The following CNTNAP2 variants were observed in gnomAD, a reference collection of about 807,000 sequenced individuals.
The protein encoded by CNTNAP2 is contactin-associated protein-like 2.
In CNTNAP2, 98 loss-of-function variants were observed where a neutral mutation model predicts 155.2. The observed-to-expected ratio is 0.63, with a 90% CI of 0.54 to 0.75. The LOEUF is 0.75. Ranked by LOEUF, CNTNAP2 falls within the 30% of genes least tolerant of loss-of-function variation. CNTNAP2 has a pLI of 0.00. For missense variants in CNTNAP2, 1,727 were observed against 1,688.1 expected, an observed-to-expected ratio of 1.02 and a Z score of -0.40; for synonymous variants, 651 against 631.2, an observed-to-expected ratio of 1.03 and a Z score of -0.47.
intron 9 of CNTNAP2, among the ~76,000 whole-genome samples, chr7:147,340,502 A>C (rs577524295): frequency 6.6e-6 from 1 of 152,214 alleles, no homozygotes; most frequent in East Asian, 1.9e-4. Flanking sequence ...TAGATGCTAC[A>C]TTTGCACATA....
chr7:146,137,824 A>G (rs1297417581), intron 1 of CNTNAP2, among the ~76,000 whole-genome samples: 1 of 151,924 alleles, frequency 6.6e-6, no homozygotes, highest in Non-Finnish European at 1.5e-5. Flanking sequence ...ATTTAAAATT[A>G]TTCTTTTAAT....
At chr7:148,183,257 G>T (rs1445776779) in intron 18 of CNTNAP2, among the ~76,000 whole-genome samples, 2 of 152,184 alleles carry the variant, frequency 1.3e-5, no homozygotes, top group African/African-American at 4.8e-5. Flanking sequence ...TCTACTGGGA[G>T]GGCTGCCTGA....
At position 147,740,814 on chromosome 7, in the gene CNTNAP2, T is replaced by C. The variant is rs1317326581; in HGVS notation, c.2098+101508T>C. 2.0e-5 allele frequency among the ~76,000 whole-genome samples: 3 copies of C among 152,108 alleles called. No individual in the cohort carries two copies. The East Asian group carries it at 5.8e-4, about 29-fold the overall frequency. On this transcript the variant is annotated intron_variant, in intron 13 of 23. Transcript: ENST00000361727. ...TGCAAGGAATTTATGAAAGGGAGTG[T>C]GCTAAGGAAACAATGGAAGCAGGAC...
chr7:148,065,047 C>T (rs575516927), intron 15 of CNTNAP2, among the ~76,000 whole-genome samples: 1 of 152,118 alleles, frequency 6.6e-6, no homozygotes, highest in Non-Finnish European at 1.5e-5. Context: ...TCATTGTTGA[C>T]CAAATGGTCA....
chr7:148,171,243 A>G lies in CNTNAP2; in HGVS notation c.2774-999A>G, dbSNP rs571749912. On this transcript the variant is annotated intron_variant, in intron 17 of 23. Transcript: ENST00000361727. ...TAGAGTGCCTAGTATGTAGCCCTCA[A>G]TGAAGGAGAAACTTGGGTTTTATTT... Among the ~76,000 whole-genome samples, 36 of 152,308 alleles carry G rather than the reference A, an allele frequency of 2.4e-4. No homozygotes were observed. The East Asian group carries it at 6.6e-3, about 28-fold the overall frequency.
intron 10 of CNTNAP2, among the ~76,000 whole-genome samples, chr7:147,450,010 T>C (rs1797804209): frequency 6.6e-6 from 1 of 152,178 alleles, no homozygotes; most frequent in African/African-American, 2.4e-5. Flanking sequence ...CAAAAATTTG[T>C]AAATCCCCCA....
chr7:147,242,670 C>G (rs1465747524), intron 8 of CNTNAP2, among the ~76,000 whole-genome samples: 2 of 152,060 alleles, frequency 1.3e-5, no homozygotes, highest in African/African-American at 4.8e-5. Context: ...TTAAATTCTT[C>G]CATTTATTAT....
chr7:147,852,267 T>C (rs1798959477), intron 13 of CNTNAP2, among the ~76,000 whole-genome samples: 1 of 152,216 alleles, frequency 6.6e-6, no homozygotes, highest in African/African-American at 2.4e-5. Flanking sequence ...TAATTGTTAT[T>C]GCCAAGAATT....
chr7:147,497,035 A>G (rs1252542359), intron 11 of CNTNAP2: 7 of 152,202 alleles, frequency 4.6e-5, no homozygotes, highest in Non-Finnish European at 1.0e-4. Flanking sequence ...CTTATAAAAA[A>G]TGCAGCCGTT....
At chr7:148,151,993 G>A (rs556014845) in intron 17 of CNTNAP2, among the ~76,000 whole-genome samples, 3 of 152,154 alleles carry the variant, frequency 2.0e-5, no homozygotes, top group South Asian at 2.1e-4. Context: ...CCTAGGTTCC[G>A]GAAGGAAGGG....
chr7:146,596,320 G>A lies in CNTNAP2; in HGVS notation c.98-177951G>A, dbSNP rs112192539. 9.9e-3 allele frequency among the ~76,000 whole-genome samples: 1,509 copies of A among 151,926 alleles called. 16 individuals are homozygous for A. The highest frequency in any genetic ancestry group is 0.035 in the African/African-American group (1,446 of 41,418). On this transcript the variant is annotated intron_variant, in intron 1 of 23. Transcript: ENST00000361727. ...GCTTTATGACAAGCTGAGGTGGAGT[G>A]AATTGGTACAAGGACACCCAGAAGC...
At chr7:147,264,638 G>C (rs66602672) in intron 8 of CNTNAP2, among the ~76,000 whole-genome samples, 83,314 of 149,318 alleles carry the variant, frequency 0.56, 24,304 homozygotes, top group East Asian at 0.79. Flanking sequence ...GATGCCTGAC[G>C]GGGCCAGCCT....
intron 1 of CNTNAP2, among the ~76,000 whole-genome samples, chr7:146,482,546 C>G (rs1796978103): frequency 6.6e-6 from 1 of 151,796 alleles, no homozygotes; most frequent in African/African-American, 2.4e-5. Flanking sequence ...AGATTGAGAC[C>G]ATCCTGGCCA....
intron 3 of CNTNAP2, among the ~76,000 whole-genome samples, chr7:146,891,400 G>A (rs1046809593): frequency 6.6e-6 from 1 of 152,068 alleles, no homozygotes; most frequent in African/African-American, 2.4e-5. Flanking sequence ...GAATGTAAAA[G>A]TTGAAATTAT....
intron 13 of CNTNAP2, among the ~76,000 whole-genome samples, chr7:147,693,305 A>G (rs551210430): frequency 6.6e-6 from 1 of 152,100 alleles, no homozygotes; most frequent in Middle Eastern, 3.4e-3. Context: ...AGTCTTCTTT[A>G]ATATTCTTGG....
At chr7:148,022,012 T>G (rs545377052) in intron 15 of CNTNAP2, among the ~76,000 whole-genome samples, 29 of 152,230 alleles carry the variant, frequency 1.9e-4, no homozygotes, top group African/African-American at 6.0e-4. Flanking sequence ...CGACGATGGT[T>G]TTGATAGGGA....
At chr7:148,005,569 G>A (rs1395713371) in intron 15 of CNTNAP2, among the ~76,000 whole-genome samples, 5 of 152,106 alleles carry the variant, frequency 3.3e-5, no homozygotes, top group African/African-American at 4.8e-5. Context: ...AAGGGGAGGT[G>A]GAGAAGGGCA....
chr7:146,390,292 C>T (rs987774273), intron 1 of CNTNAP2, among the ~76,000 whole-genome samples: 4 of 151,772 alleles, frequency 2.6e-5, no homozygotes, highest in African/African-American at 9.7e-5. Context: ...TTAGTAAATA[C>T]ACAAATAGTA....
At chr7:147,575,158 C>G (rs1800366145) in intron 12 of CNTNAP2, among the ~76,000 whole-genome samples, 1 of 100,710 alleles carries the variant, frequency 9.9e-6, no homozygotes, top group African/African-American at 4.1e-5. Context: ...TGTGTATTCC[C>G]TAGCTTTAGG....
Sources: allele counts gnomAD v4.1 joint callset (sites outside exome capture counted in the v4.1 genomes callset), GRCh38; gene constraint gnomAD v4.1.1; transcripts MANE v1.5; gene names NCBI Gene and HGNC (gene_info 2026-07-23, HGNC 2026-07-21).